H2AC25: variants seen among roughly 807,000 people sequenced by gnomAD.
H2AC25 encodes H2A clustered histone 25.
the H2AC25 span, chr1:228,457,392 C>G: frequency 6.2e-7 from 1 of 1,612,352 alleles, no homozygotes; most frequent in Non-Finnish European, 8.5e-7. Context: ...GCCTTTATGT[C>G]CATCAAAGGG....
At chr1:228,457,811 C>T in the H2AC25 span, 35 of 1,593,094 alleles carry the variant, frequency 2.2e-5, no homozygotes, top group Admixed American at 5.1e-4. Flanking sequence ...TTACCACGAC[C>T]GGACATTTCC....
the H2AC25 span, chr1:228,457,671 C>T: frequency 1.2e-6 from 2 of 1,613,536 alleles, no homozygotes; most frequent in African/African-American, 1.3e-5. Flanking sequence ...CCAGATAGAC[C>T]GGGGCGCCGG....
chr1:228,457,375 G>GA, the H2AC25 span: 2 of 1,604,760 alleles, frequency 1.2e-6, no homozygotes, highest in Non-Finnish European at 8.5e-7. Context: ...AGGTGGCTCT[G>GA]AAAAGAGCCT....
At chr1:228,457,672 G>T in the H2AC25 span, 1 of 1,613,608 alleles carries the variant, frequency 6.2e-7, no homozygotes, top group Non-Finnish European at 8.5e-7. Flanking sequence ...CAGATAGACC[G>T]GGGCGCCGGC....
the H2AC25 span, chr1:228,457,404 C>G: frequency 2.5e-6 from 4 of 1,613,418 alleles, no homozygotes; most frequent in Non-Finnish European, 3.4e-6. Context: ...ATCAAAGGGG[C>G]CCCGGGGGCG....
chr1:228,457,844 G>A, the H2AC25 span: 293 of 1,579,434 alleles, frequency 1.9e-4, 5 homozygotes, highest in South Asian at 2.5e-3. Flanking sequence ...AAAGACAACG[G>A]CAACCGAAAA....
the H2AC25 span, chr1:228,457,855 G>A: frequency 6.4e-7 from 1 of 1,572,072 alleles, no homozygotes; most frequent in Non-Finnish European, 8.6e-7. Flanking sequence ...CAACCGAAAA[G>A]CGAGACTAAA....
chr1:228,457,814 A>C, the H2AC25 span: 8 of 1,594,144 alleles, frequency 5.0e-6, no homozygotes, highest in Non-Finnish European at 6.8e-6. Context: ...CCACGACCGG[A>C]CATTTCCGAG....
At chr1:228,457,781 C>G in the H2AC25 span, 1 of 1,608,472 alleles carries the variant, frequency 6.2e-7, no homozygotes, top group East Asian at 2.2e-5. Flanking sequence ...TTAGCCTTGG[C>G]GCGCGCCTTG....
chr1:228,457,852 A>G, the H2AC25 span: 3 of 1,573,780 alleles, frequency 1.9e-6, no homozygotes, highest in Admixed American at 5.6e-5. Context: ...CGGCAACCGA[A>G]AAGCGAGACT....
At chr1:228,457,572 G>T in the H2AC25 span, 2 of 1,614,094 alleles carry the variant, frequency 1.2e-6, no homozygotes, top group Admixed American at 3.3e-5. Context: ...GCTGCAGGTG[G>T]CGCGGGATGA....
chr1:228,457,693 T>G, the H2AC25 span: 3 of 1,613,370 alleles, frequency 1.9e-6, no homozygotes, highest in Non-Finnish European at 2.5e-6. Context: ...GCCCACGCGC[T>G]CCGAATAGTT....
chr1:228,457,712 G>A, the H2AC25 span: 6 of 1,613,084 alleles, frequency 3.7e-6, no homozygotes, highest in Non-Finnish European at 5.1e-6. Context: ...TTGCCCTTGC[G>A]GAGCAACCGG....
At chr1:228,457,802 T>C in the H2AC25 span, 4 of 1,602,116 alleles carry the variant, frequency 2.5e-6, no homozygotes, top group Non-Finnish European at 1.7e-6. Flanking sequence ...CCACCCTGCT[T>C]ACCACGACCG....
Sources: allele counts gnomAD v4.1 joint callset, GRCh38; gene constraint gnomAD v4.1.1; transcripts MANE v1.5; gene names NCBI Gene and HGNC (gene_info 2026-07-23, HGNC 2026-07-21).